The following YME1L1 variants were observed in gnomAD, a reference collection of about 807,000 sequenced individuals.
The protein encoded by YME1L1 is ATP-dependent zinc metalloprotease YME1L1.
YME1L1 carries 39 observed loss-of-function variants against 90.4 expected under a neutral mutation model. That is an observed-to-expected ratio of 0.43 (90% CI 0.33 to 0.56). YME1L1 has a LOEUF of 0.56. Ranked by LOEUF, YME1L1 falls within the 20% of genes least tolerant of loss-of-function variation. The pLI, the probability that YME1L1 is intolerant of heterozygous loss-of-function variation, is 0.03. For missense variants in YME1L1, 617 were observed against 868.4 expected, an observed-to-expected ratio of 0.71 and a Z score of 3.64; for synonymous variants, 284 against 287.3, an observed-to-expected ratio of 0.99 and a Z score of 0.12.
At chr10:27,149,766 C>T (rs1173787747) in intron 1 of YME1L1, among the ~76,000 whole-genome samples, 1 of 75,592 alleles carries the variant, frequency 1.3e-5, no homozygotes, top group African/African-American at 4.8e-5. Flanking sequence ...ATACATCCAA[C>T]ATTTAAAAAA....
chr10:27,149,752 T>C (rs1265806976), intron 1 of YME1L1, among the ~76,000 whole-genome samples: 3 of 81,132 alleles, frequency 3.7e-5, no homozygotes, highest in Non-Finnish European at 8.0e-5. Context: ...TACCACAGAA[T>C]GAAATACATC....
chr10:27,123,752 G>A lies in YME1L1; in HGVS notation c.950-53C>T, dbSNP rs1336463378. 2.9e-5 allele frequency: 44 copies of A among 1,508,294 alleles called. 1 individual carries two copies. The highest frequency in any genetic ancestry group is 4.2e-5 in the African/African-American group (3 of 70,724). 93.4% of individuals were successfully genotyped at this position (1,508,294 alleles called of 1,614,324 possible). On this transcript the variant is annotated intron_variant, in intron 9 of 18. Coordinates refer to ENST00000376016, the MANE Select transcript of YME1L1 (RefSeq NM_014263.4). ...TCAAAGTATTTTTAAAAAATCCCTC[G>A]ATATGAACCTATAAAATAAATAATT...
chr10:27,135,060 A>G (rs1180813705), intron 5 of YME1L1, 79 bp from the exon 6 acceptor site: 1 of 1,360,498 alleles, frequency 7.4e-7, no homozygotes, highest in African/African-American at 1.5e-5. Flanking sequence ...ACTCAAAAAA[A>G]TTCACTAAAA....
At chr10:27,144,121 G>A (rs1476426052) in intron 3 of YME1L1, among the ~76,000 whole-genome samples, 1 of 152,178 alleles carries the variant, frequency 6.6e-6, no homozygotes, top group Admixed American at 6.5e-5. Context: ...CCTAAACCTA[G>A]CAAGCAGCTG....
chr10:27,147,327 T>A, intron 2 of YME1L1: 1 of 1,223,958 alleles, frequency 8.2e-7, no homozygotes, highest in Non-Finnish European at 1.1e-6. Context: ...GACCCTGTCT[T>A]TACAAAAAAT....
Position 27,111,899 on chromosome 10 carries a change from G to A in YME1L1, c.*78C>T. 6.6e-7 allele frequency: 1 copy of A among 1,521,514 alleles called. No homozygotes were observed. Among genetic ancestry groups the A allele is most frequent in the Non-Finnish European group, 9.1e-7 (1 of 1,099,312 alleles). 94.3% of individuals were successfully genotyped at this position (1,521,514 alleles called of 1,614,324 possible). A position where few individuals can be genotyped will look rare whatever the true frequency, so the allele number is the denominator to read the frequency against. On this transcript the variant is annotated 3_prime_UTR_variant, in exon 19 of 19. Transcript: ENST00000376016. ...ACACCACATCAAGAATGAGGGGAAAGCGTTGTAAAAGTAGACTACTGCAAT... is the reference window on the plus strand; with the variant it reads ...ACACCACATCAAGAATGAGGGGAAAACGTTGTAAAAGTAGACTACTGCAAT...
chr10:27,128,889 A>G (rs2056947879), intron 8 of YME1L1, among the ~76,000 whole-genome samples: 1 of 152,044 alleles, frequency 6.6e-6, no homozygotes, highest in South Asian at 2.1e-4. Context: ...AGTCTGGGTG[A>G]TAGAGCCAGA....
chr10:27,137,677 T>C (rs1367535514), intron 4 of YME1L1, among the ~76,000 whole-genome samples: 1 of 152,216 alleles, frequency 6.6e-6, no homozygotes, highest in Non-Finnish European at 1.5e-5. Context: ...TTACTTTGCA[T>C]TTCCCAGATT....
At chr10:27,144,202 T>C (rs925624417) in intron 3 of YME1L1, among the ~76,000 whole-genome samples, 2 of 152,192 alleles carry the variant, frequency 1.3e-5, no homozygotes, top group African/African-American at 4.8e-5. Flanking sequence ...ATAATCATAA[T>C]AACATAGTAA....
chr10:27,134,943 A>G lies in YME1L1; in HGVS notation c.579T>C (p.Ser193=). The G allele has an allele frequency of 6.2e-7, 1 of 1,613,108 alleles. No homozygotes were observed. Among genetic ancestry groups the G allele is most frequent in the Non-Finnish European group, 8.5e-7 (1 of 1,179,990 alleles). ...LLRDRGSDVE[S]LDKLMKTKNI... is the part of the protein sequence containing the mutation. ...TTTTGGTTTTCATGAGTTTGTCCAA[A>G]CTCTCAACATCTGATCCTCTGTCCC... The change falls in exon 6 of 19, where the codon AGT becomes AGC. Residue 193 remains serine, a synonymous_variant. Coordinates refer to ENST00000376016, the MANE Select transcript of YME1L1 (RefSeq NM_014263.4).
At chr10:27,142,066 A>G (rs2135891353) in intron 4 of YME1L1, among the ~76,000 whole-genome samples, 1 of 151,942 alleles carries the variant, frequency 6.6e-6, no homozygotes, top group Middle Eastern at 3.4e-3. Context: ...TTTCTCATAT[A>G]TATATATATA....
At chr10:27,140,212 C>A (rs1270652050) in intron 4 of YME1L1, among the ~76,000 whole-genome samples, 1 of 152,046 alleles carries the variant, frequency 6.6e-6, no homozygotes, top group African/African-American at 2.4e-5. Context: ...ACCATGTTGG[C>A]CATGCTGGTC....
In YME1L1 at chr10:27,125,163, T is replaced by C. The variant is rs149360671; in HGVS notation, c.950-1464A>G. Among the ~76,000 whole-genome samples the C allele has an allele frequency of 2.6e-5, 4 of 152,262 alleles. 1 individual carries two copies. The highest frequency in any genetic ancestry group is 9.6e-5 in the African/African-American group (4 of 41,566). Reference sequence around the variant, plus strand: ...TTTATTCTAAAGAAATAATTAAGCATGCAGGCAAAGCCTTGAATTAAGATG... The same window carrying C: ...TTTATTCTAAAGAAATAATTAAGCACGCAGGCAAAGCCTTGAATTAAGATG... On this transcript the variant is annotated intron_variant, in intron 9 of 18. Transcript: ENST00000376016.
chr10:27,138,521 G>GT (rs1414771809), intron 4 of YME1L1, among the ~76,000 whole-genome samples: 1 of 152,026 alleles, frequency 6.6e-6, no homozygotes, highest in African/African-American at 2.4e-5. Flanking sequence ...ACACACGTGT[G>GT]TATGTGTGTA....
chr10:27,122,258 A>G (rs2056875164), intron 11 of YME1L1, among the ~76,000 whole-genome samples: 1 of 152,250 alleles, frequency 6.6e-6, no homozygotes, highest in African/African-American at 2.4e-5. Context: ...TATCTGGTCT[A>G]TGCAGGAAAA....
chr10:27,114,049 T>C (rs1246945056), intron 18 of YME1L1, among the ~76,000 whole-genome samples: 3 of 151,976 alleles, frequency 2.0e-5, no homozygotes, highest in Non-Finnish European at 4.4e-5. Flanking sequence ...GCAGCTAAAG[T>C]ACAATTGAAT....
At position 27,111,753 on chromosome 10, in the gene YME1L1, CTT is replaced by C; in HGVS notation, c.*222_*223del. On this transcript the variant is annotated 3_prime_UTR_variant, in exon 19 of 19. Coordinates refer to ENST00000376016, the MANE Select transcript of YME1L1 (RefSeq NM_014263.4). ...AGAGCTGTTTTCAATCCTGATAGTT[CTT>C]TATTTTTTCAAAATATATTTGCCAT... is the stretch of plus-strand genomic sequence containing the variant. 1 of 635,924 alleles carries C rather than the reference CTT, an allele frequency of 1.6e-6. No homozygotes were observed. The allele number at this position is 635,924 out of a possible 1,614,324, so 39.4% of individuals were successfully genotyped here. A position where few individuals can be genotyped will look rare whatever the true frequency, so the allele number is the denominator to read the frequency against.
At position 27,135,393 on chromosome 10, in the gene YME1L1, T is replaced by C. The variant is rs553185490; in HGVS notation, c.541-412A>G. On this transcript the variant is annotated intron_variant, in intron 5 of 18. Coordinates refer to ENST00000376016, the MANE Select transcript of YME1L1 (RefSeq NM_014263.4). ...TGTAAAGATAAATAAACCACTGATC[T>C]TAAAGTTTTCAGTCTACTGGAAAAA... Among the ~76,000 whole-genome samples, 3 of 152,344 alleles carry C rather than the reference T, an allele frequency of 2.0e-5. No homozygotes were observed. In the South Asian group the frequency reaches 6.2e-4, roughly 32 times the overall value.
At position 27,121,401 on chromosome 10, in the gene YME1L1, G is replaced by A. The variant is rs1210087547; in HGVS notation, c.1283C>T (p.Pro428Leu). The A allele has an allele frequency of 2.5e-6, 4 of 1,606,124 alleles. No individual in the cohort carries two copies. In the East Asian group the frequency reaches 6.7e-5, roughly 27 times the overall value. ...GVIIIGATNFPEALDNALIRP... is the reference protein window; with the variant it reads ...GVIIIGATNFLEALDNALIRP... ...TAATACTTACTTATCTAATGCCTCT[G>A]GGAAGTTTGTGGCTCCTATTATGAT... Residue 428 changes from proline (P) to leucine (L), a missense_variant, in exon 12 of 19, where the codon CCA becomes CTA. Transcript: ENST00000376016.
Sources: gnomAD v4.1 joint callset for allele counts (sites outside exome capture counted in the v4.1 genomes callset) on GRCh38, gnomAD v4.1.1 for gene constraint, MANE v1.5 for transcripts, NCBI Gene and HGNC (gene_info 2026-07-23, HGNC 2026-07-21) for gene names.